Variants in FGF12 observed in about 807,000 individuals in gnomAD.
The protein encoded by FGF12 is fibroblast growth factor 12B.
A neutral mutation model predicts 23.6 loss-of-function variants in FGF12; 14 were observed. That is an observed-to-expected ratio of 0.59 (90% CI 0.39 to 0.93). FGF12 has a LOEUF of 0.93. FGF12 is among the 40% of genes least tolerant of loss of function. The probability of loss-of-function intolerance (pLI) is 0.00; values close to 1 mark genes in which losing one functional copy is unlikely to be tolerated. For synonymous variants in FGF12, 62 were observed against 77.3 expected, an observed-to-expected ratio of 0.80 and a Z score of 1.04; for missense variants, 175 against 217.8, an observed-to-expected ratio of 0.80 and a Z score of 1.24.
intron 2 of FGF12, among the ~76,000 whole-genome samples, chr3:192,574,047 C>T (rs1393141015): frequency 1.3e-5 from 2 of 152,216 alleles, no homozygotes; most frequent in Non-Finnish European, 2.9e-5. Context: ...TAGTGTCTTT[C>T]CTGTCCAGAT....
chr3:192,449,434 T>A, intron 2 of FGF12, among the ~76,000 whole-genome samples: 1 of 152,096 alleles, frequency 6.6e-6, no homozygotes, highest in East Asian at 1.9e-4. Context: ...GCCATGGATC[T>A]CCCAATGTGG....
chr3:192,423,235 T>C (rs1017389761), intron 2 of FGF12, among the ~76,000 whole-genome samples: 2 of 152,162 alleles, frequency 1.3e-5, no homozygotes, highest in Non-Finnish European at 2.9e-5. Flanking sequence ...TTAAAGTATG[T>C]ATAGCTTTGC....
intron 4 of FGF12, among the ~76,000 whole-genome samples, chr3:192,206,236 C>T (rs79207689): frequency 0.035 from 5,304 of 152,240 alleles, 133 homozygotes; most frequent in Middle Eastern, 0.099. Flanking sequence ...GAAGCAGCAA[C>T]GGAAGGGGAA....
chr3:192,295,180 A>T (rs887335308), intron 4 of FGF12, among the ~76,000 whole-genome samples: 1 of 152,202 alleles, frequency 6.6e-6, no homozygotes, highest in Non-Finnish European at 1.5e-5. Flanking sequence ...CCTATCTAAG[A>T]GAACTGCCTA....
At chr3:192,415,089 T>C (rs1330168887) in intron 2 of FGF12, among the ~76,000 whole-genome samples, 1 of 152,008 alleles carries the variant, frequency 6.6e-6, no homozygotes, top group African/African-American at 2.4e-5. Flanking sequence ...AGGGGAAAAA[T>C]ATAAATTTCC....
chr3:192,481,412 T>C (rs79474718), intron 2 of FGF12, among the ~76,000 whole-genome samples: 2,162 of 152,318 alleles, frequency 0.014, 44 homozygotes, highest in African/African-American at 0.047. Flanking sequence ...TCATTTCTTT[T>C]GATAGGATTT....
At chr3:192,420,891 T>A (rs1721505790) in intron 2 of FGF12, among the ~76,000 whole-genome samples, 1 of 152,146 alleles carries the variant, frequency 6.6e-6, no homozygotes, top group South Asian at 2.1e-4. Flanking sequence ...TTTGATTTCA[T>A]TTGTCAGGAA....
At chr3:192,534,505 C>T (rs1244287522) in intron 2 of FGF12, among the ~76,000 whole-genome samples, 2 of 152,086 alleles carry the variant, frequency 1.3e-5, no homozygotes, top group Non-Finnish European at 2.9e-5. Context: ...AAGAGATTCT[C>T]GTGTCTCAGC....
At chr3:192,536,337 T>C (rs1189783967) in intron 2 of FGF12, among the ~76,000 whole-genome samples, 12 of 152,104 alleles carry the variant, frequency 7.9e-5, no homozygotes, top group Non-Finnish European at 1.5e-4. Flanking sequence ...GAAGCAAAAG[T>C]TGAAATAGAC....
Position 192,285,211 on chromosome 3 carries a change from C to T in FGF12, c.228+50150G>A, listed in dbSNP as rs188898069. On this transcript the variant is annotated intron_variant, in intron 4 of 5. Transcript: ENST00000445105. ...GACCCTTAGTAGTTGATAAGCAATA[C>T]CTGTGACAGTGGAATTATTATCTCC... Among the ~76,000 whole-genome samples the T allele has an allele frequency of 2.2e-3, 328 of 152,054 alleles. 1 individual carries two copies. Among genetic ancestry groups the T allele is most frequent in the Middle Eastern group, 6.8e-3 (2 of 294 alleles).
intron 2 of FGF12, among the ~76,000 whole-genome samples, chr3:192,719,850 A>G (rs1718986677): frequency 6.6e-6 from 1 of 152,004 alleles, no homozygotes; most frequent in South Asian, 2.1e-4. Flanking sequence ...CAGGAAGCAT[A>G]TCTAGATTTT....
intron 4 of FGF12, among the ~76,000 whole-genome samples, chr3:192,334,032 G>C (rs539736522): frequency 3.3e-5 from 5 of 152,198 alleles, no homozygotes; most frequent in Admixed American, 6.6e-5. Flanking sequence ...ACAAAATGCT[G>C]TCTAGGTGTA....
intron 4 of FGF12, among the ~76,000 whole-genome samples, chr3:192,264,583 G>A (rs1432993141): frequency 6.6e-6 from 1 of 151,986 alleles, no homozygotes; most frequent in Non-Finnish European, 1.5e-5. Context: ...TCAACCTAAG[G>A]AAGTAGCTAT....
intron 2 of FGF12, among the ~76,000 whole-genome samples, chr3:192,541,661 C>T (rs1452672101): frequency 1.3e-5 from 2 of 152,048 alleles, no homozygotes; most frequent in Non-Finnish European, 2.9e-5. Context: ...CACTTACAAA[C>T]TTTTCTTTCA....
At chr3:192,199,879 G>A (rs538903553) in intron 4 of FGF12, among the ~76,000 whole-genome samples, 1 of 152,248 alleles carries the variant, frequency 6.6e-6, no homozygotes, top group South Asian at 2.1e-4. Context: ...GTATTTTCTA[G>A]GTTTATGACC....
chr3:192,619,665 G>A (rs1213057234), intron 2 of FGF12, among the ~76,000 whole-genome samples: 2 of 152,128 alleles, frequency 1.3e-5, no homozygotes, highest in African/African-American at 4.8e-5. Context: ...CACTCTCTAT[G>A]GGAAGTTCTT....
rs566769886 is a variant in FGF12 at position 192,184,146 on chromosome 3, C to T, written c.229-13490G>A. Among the ~76,000 whole-genome samples the T allele has an allele frequency of 3.0e-4, 45 of 152,140 alleles. 1 individual carries two copies. Among genetic ancestry groups the T allele is most frequent in the Admixed American group, 7.2e-4 (11 of 15,288 alleles). ...GACTGAGGTGGGAGGATAGCTTGGG[C>T]CTGGGAGGCACGGGTTACAGTAAGC... On this transcript the variant is annotated intron_variant, in intron 4 of 5. Coordinates refer to ENST00000445105, the MANE Select transcript of FGF12 (RefSeq NM_004113.6).
At chr3:192,171,736 G>A (rs1715572314) in intron 4 of FGF12, among the ~76,000 whole-genome samples, 1 of 152,156 alleles carries the variant, frequency 6.6e-6, no homozygotes, top group South Asian at 2.1e-4. Context: ...GAATTTCAGT[G>A]TGAGACTCCC....
intron 3 of FGF12, among the ~76,000 whole-genome samples, chr3:192,357,493 A>C (rs1435514286): frequency 6.6e-6 from 1 of 152,074 alleles, no homozygotes; most frequent in East Asian, 1.9e-4. Flanking sequence ...AAAGAAAAAA[A>C]AAAATGTGGG....
Sources: gnomAD v4.1 joint callset for allele counts (sites outside exome capture counted in the v4.1 genomes callset) on GRCh38, gnomAD v4.1.1 for gene constraint, MANE v1.5 for transcripts, NCBI Gene and HGNC (gene_info 2026-07-23, HGNC 2026-07-21) for gene names.